FAM117B: variants seen among roughly 807,000 people sequenced by gnomAD.
FAM117B encodes family with sequence similarity 117 member B.
Under a neutral mutation model 52.8 loss-of-function variants are expected in FAM117B, and 22 were observed. The observed-to-expected ratio is 0.42, with a 90% CI of 0.30 to 0.59. The LOEUF (loss-of-function observed/expected upper bound fraction) is 0.59. Among genes scored for constraint, FAM117B ranks in the 20% least tolerant of loss-of-function variants. The pLI is 0.22. For missense variants in FAM117B, 678 were observed against 802.6 expected (o/e 0.84, Z 1.88); for synonymous variants, 309 against 324.1 (o/e 0.95, Z 0.50).
intron 4 of FAM117B, among the ~76,000 whole-genome samples, chr2:202,737,246 C>A (rs1574575605): frequency 6.6e-6 from 1 of 152,150 alleles, no homozygotes; most frequent in East Asian, 1.9e-4. Context: ...CCTAAAGAGA[C>A]AATATTAGGC....
intron 1 of FAM117B, among the ~76,000 whole-genome samples, chr2:202,663,118 A>G (rs1690155147): frequency 6.6e-6 from 1 of 152,248 alleles, no homozygotes; most frequent in South Asian, 2.1e-4. Context: ...CCATATCAAT[A>G]GGTACACTTC....
At position 202,635,694 on chromosome 2, in the gene FAM117B, A is replaced by AC; in HGVS notation, c.512dup (p.Ala172SerfsTer31). The AC allele has an allele frequency of 7.1e-7, 1 of 1,414,082 alleles. No individual in the cohort carries two copies. The allele number at this position is 1,414,082 out of a possible 1,614,324, so 87.6% of individuals were successfully genotyped here. On this transcript the variant is annotated frameshift_variant, in exon 1 of 8. Coordinates refer to ENST00000392238, the MANE Select transcript of FAM117B (RefSeq NM_173511.4). LOFTEE classifies it high-confidence loss of function. ...GGACCGGCGAGGTGAGCGCGGCCCC[A>AC]CCCCCAGCCCGCGTCCGGCATCGGA...
At chr2:202,684,941 C>T (rs1172492911) in intron 1 of FAM117B, among the ~76,000 whole-genome samples, 3 of 151,832 alleles carry the variant, frequency 2.0e-5, no homozygotes, top group Non-Finnish European at 4.4e-5. Flanking sequence ...ATCTGTTACT[C>T]GATTATCTAA....
intron 1 of FAM117B, among the ~76,000 whole-genome samples, chr2:202,668,288 A>G (rs1040302412): frequency 5.4e-5 from 8 of 147,054 alleles, no homozygotes; most frequent in Non-Finnish European, 1.0e-4. Context: ...TATATATTAA[A>G]TGCGGTGGCA....
chr2:202,728,297 A>G (rs569804170), intron 4 of FAM117B, among the ~76,000 whole-genome samples: 2 of 152,252 alleles, frequency 1.3e-5, no homozygotes, highest in East Asian at 3.9e-4. Flanking sequence ...CCAAATTTAT[A>G]GTTCGATTAT....
At chr2:202,758,800 C>T (rs545322404) in intron 6 of FAM117B, among the ~76,000 whole-genome samples, 1 of 152,286 alleles carries the variant, frequency 6.6e-6, no homozygotes, top group African/African-American at 2.4e-5. Context: ...TGTTTGGCAT[C>T]CGGTAGCTCT....
At chr2:202,697,938 T>C (rs1690737485) in intron 2 of FAM117B, among the ~76,000 whole-genome samples, 1 of 152,194 alleles carries the variant, frequency 6.6e-6, no homozygotes, top group Non-Finnish European at 1.5e-5. Context: ...GGCACAATCT[T>C]GGCTCACTGA....
intron 4 of FAM117B, among the ~76,000 whole-genome samples, chr2:202,744,060 C>T (rs1691592184): frequency 6.6e-6 from 1 of 152,152 alleles, no homozygotes; most frequent in East Asian, 1.9e-4. Context: ...AAGGTCTTCT[C>T]CAAGTCATAT....
chr2:202,760,400 T>C (rs1264295291), intron 7 of FAM117B, among the ~76,000 whole-genome samples: 5 of 152,212 alleles, frequency 3.3e-5, no homozygotes, highest in Admixed American at 2.6e-4. Context: ...ACCACTGTGA[T>C]GTGGCATCTC....
chr2:202,762,106 G>A (rs909177532), intron 7 of FAM117B, among the ~76,000 whole-genome samples: 3 of 152,044 alleles, frequency 2.0e-5, no homozygotes, highest in African/African-American at 4.8e-5. Flanking sequence ...AATAACCACC[G>A]TGCACACCAC....
At chr2:202,765,239 A>G (rs1267352524) in intron 7 of FAM117B, among the ~76,000 whole-genome samples, 4 of 152,144 alleles carry the variant, frequency 2.6e-5, no homozygotes, top group Non-Finnish European at 1.5e-5. Flanking sequence ...CTTGCATTCT[A>G]AGATACATAT....
At chr2:202,657,168 A>G (rs945364405) in intron 1 of FAM117B, among the ~76,000 whole-genome samples, 4 of 151,792 alleles carry the variant, frequency 2.6e-5, no homozygotes, top group Non-Finnish European at 5.9e-5. Flanking sequence ...GCTCACTGCA[A>G]CCTCCTCCTC....
At chr2:202,765,408 GT>G in intron 7 of FAM117B, 37 bp from the exon 8 acceptor site, 1 of 1,459,862 alleles carries the variant, frequency 6.8e-7, no homozygotes, top group Non-Finnish European at 9.2e-7. Flanking sequence ...TTTAAGTTCA[GT>G]GACTTAAAAG....
At chr2:202,673,258 CAAA>C (rs1690324843) in intron 1 of FAM117B, among the ~76,000 whole-genome samples, 1 of 151,962 alleles carries the variant, frequency 6.6e-6, no homozygotes, top group Admixed American at 6.6e-5. Flanking sequence ...GGAGTGTTTA[CAAA>C]CTGAAGCAGT....
chr2:202,668,527 CAAAAAAAA>C (rs373784165), intron 1 of FAM117B, among the ~76,000 whole-genome samples: 31 of 71,666 alleles, frequency 4.3e-4, no homozygotes, highest in African/African-American at 1.4e-3. Context: ...GACTCTCTCT[CAAAAAAAA>C]AAAAAAAAAA....
At chr2:202,696,459 G>C (rs753214992) in intron 2 of FAM117B, among the ~76,000 whole-genome samples, 1 of 152,106 alleles carries the variant, frequency 6.6e-6, no homozygotes, top group Non-Finnish European at 1.5e-5. Flanking sequence ...GAAAGTTTAC[G>C]AATTTATGTC....
At chr2:202,735,114 A>T (rs1254848862) in intron 4 of FAM117B, among the ~76,000 whole-genome samples, 1 of 152,044 alleles carries the variant, frequency 6.6e-6, no homozygotes, top group East Asian at 1.9e-4. Flanking sequence ...CAAATGCTTC[A>T]TTTTTGCTGT....
At chr2:202,755,794 A>C (rs1691792138) in intron 5 of FAM117B, 113 bp downstream of exon 5, 2 of 1,090,448 alleles carry the variant, frequency 1.8e-6, no homozygotes, top group Non-Finnish European at 2.5e-6. Flanking sequence ...GAGAGCAAAA[A>C]TTTATCTCTT....
chr2:202,759,460 G>T, intron 7 of FAM117B, 107 bp downstream of exon 7: 1 of 1,400,118 alleles, frequency 7.1e-7, no homozygotes, highest in Non-Finnish European at 9.6e-7. Context: ...TGCAGTCACA[G>T]GTCACACTGC....
Sources: gnomAD v4.1 joint callset for allele counts (sites outside exome capture counted in the v4.1 genomes callset) on GRCh38, gnomAD v4.1.1 for gene constraint, MANE v1.5 for transcripts, NCBI Gene and HGNC (gene_info 2026-07-23, HGNC 2026-07-21) for gene names.